The following ANKRD10 variants were observed in gnomAD, a reference collection of about 807,000 sequenced individuals.
ANKRD10 encodes ankyrin repeat domain 10.
Under a neutral mutation model 27.0 loss-of-function variants are expected in ANKRD10, and 14 were observed. The ratio of observed to expected loss-of-function variants is 0.52; its 90% CI spans 0.34 to 0.81. The LOEUF is 0.81. ANKRD10 is among the 40% of genes least tolerant of loss of function. The pLI is 0.01. For missense variants in ANKRD10, 493 were observed against 544.0 expected, an observed-to-expected ratio of 0.91 and a Z score of 0.93; for synonymous variants, 250 against 224.5, an observed-to-expected ratio of 1.11 and a Z score of -1.01.
intron 4 of ANKRD10, among the ~76,000 whole-genome samples, chr13:110,887,180 TA>T (rs2064954023): frequency 6.6e-6 from 1 of 152,200 alleles, no homozygotes; most frequent in Non-Finnish European, 1.5e-5. Flanking sequence ...CCAGGGCAAC[TA>T]AACGGTCTGC....
At chr13:110,881,722 T>G (rs1435275934) in intron 5 of ANKRD10, among the ~76,000 whole-genome samples, 1 of 152,214 alleles carries the variant, frequency 6.6e-6, no homozygotes, top group East Asian at 1.9e-4. Context: ...ATGGCAACCT[T>G]GACAGTTGTT....
intron 4 of ANKRD10, among the ~76,000 whole-genome samples, chr13:110,887,976 G>C (rs1474336857): frequency 6.6e-6 from 1 of 152,196 alleles, no homozygotes; most frequent in Non-Finnish European, 1.5e-5. Flanking sequence ...ACTATTCTTT[G>C]TTCTGCTGTA....
At chr13:110,910,578 A>C (rs373572644) in intron 2 of ANKRD10, 40 bp downstream of exon 2, 41 of 1,608,356 alleles carry the variant, frequency 2.5e-5, no homozygotes, top group Middle Eastern at 3.3e-4. Flanking sequence ...TGCAAAAAGA[A>C]AAAGCAAAAG....
intron 3 of ANKRD10, among the ~76,000 whole-genome samples, chr13:110,896,725 T>C (rs2065235558): frequency 6.6e-6 from 1 of 152,262 alleles, no homozygotes; most frequent in Non-Finnish European, 1.5e-5. Flanking sequence ...CTCAAGGCAA[T>C]TGAGCATGGC....
intron 3 of ANKRD10, among the ~76,000 whole-genome samples, chr13:110,901,878 T>A (rs7323481): frequency 0.99 from 150,267 of 152,172 alleles, 74,231 homozygotes; most frequent in East Asian, 1. Context: ...CCATCTCTAC[T>A]AAACATTTTT....
intron 4 of ANKRD10, among the ~76,000 whole-genome samples, chr13:110,887,774 A>C (rs2064971049): frequency 1.3e-5 from 2 of 152,166 alleles, no homozygotes; most frequent in African/African-American, 4.8e-5. Context: ...TGCTGTGTGG[A>C]AGGGTCCCAG....
At chr13:110,893,329 AACTG>A (rs1353864028) in intron 3 of ANKRD10, 66 bp from the exon 4 acceptor site, 9 of 1,481,654 alleles carry the variant, frequency 6.1e-6, no homozygotes, top group South Asian at 1.2e-5. Flanking sequence ...GCTCCTGCTG[AACTG>A]ACTAGCTATC....
chr13:110,891,378 A>G (rs2065068337), intron 4 of ANKRD10, among the ~76,000 whole-genome samples: 1 of 152,266 alleles, frequency 6.6e-6, no homozygotes, highest in South Asian at 2.1e-4. Context: ...CCATTAAAAA[A>G]GACCATTTTG....
intron 3 of ANKRD10, among the ~76,000 whole-genome samples, chr13:110,895,991 A>G (rs1469126293): frequency 6.6e-6 from 1 of 152,206 alleles, no homozygotes; most frequent in African/African-American, 2.4e-5. Context: ...TTACTAGAAG[A>G]GCTCAAAAGA....
At chr13:110,905,953 T>C in intron 3 of ANKRD10, 80 bp downstream of exon 3, 2 of 1,314,418 alleles carry the variant, frequency 1.5e-6, no homozygotes, top group Non-Finnish European at 2.1e-6. Flanking sequence ...TTTAGGACTT[T>C]TGCCTGCTTA....
chr13:110,878,860 T>C lies in ANKRD10; in HGVS notation c.*777A>G, dbSNP rs970051691. On this transcript the variant is annotated 3_prime_UTR_variant, in exon 6 of 6. Transcript: ENST00000267339. The stretch of plus-strand genomic sequence containing the variant: ...AAACAAAAACAAGGAAAAAAGAAAA[T>C]ACATGTCAACAGTCAGTTAAATATT... 2.0e-5 allele frequency: 3 copies of C among 152,274 alleles called. No homozygotes were observed. The East Asian group carries it at 5.8e-4, about 29-fold the overall frequency. The allele number at this position is 152,274 out of a possible 1,614,324, so 9.4% of individuals were successfully genotyped here.
At chr13:110,906,753 G>T (rs1048453411) in intron 2 of ANKRD10, among the ~76,000 whole-genome samples, 1 of 152,048 alleles carries the variant, frequency 6.6e-6, no homozygotes, top group South Asian at 2.1e-4. Flanking sequence ...AGGAAAGGGA[G>T]AAGAACACAA....
At chr13:110,889,095 G>A (rs1311690700) in intron 4 of ANKRD10, among the ~76,000 whole-genome samples, 1 of 134,202 alleles carries the variant, frequency 7.5e-6, no homozygotes, top group Non-Finnish European at 1.7e-5. Context: ...TTCTAACCAA[G>A]ATCATTGAAA....
chr13:110,896,046 AG>A (rs1220552894), intron 3 of ANKRD10, among the ~76,000 whole-genome samples: 6 of 152,238 alleles, frequency 3.9e-5, no homozygotes, highest in Non-Finnish European at 8.8e-5. Flanking sequence ...GTAAGGACCA[AG>A]GAAGCAAGAA....
At chr13:110,883,900 T>G in intron 4 of ANKRD10, 107 bp from the exon 5 acceptor site, 2 of 1,042,530 alleles carry the variant, frequency 1.9e-6, no homozygotes, top group Non-Finnish European at 2.6e-6. Flanking sequence ...CTTTAAACAA[T>G]CACATAAAAA....
chr13:110,901,230 TCTTA>T (rs1263692657), intron 3 of ANKRD10, among the ~76,000 whole-genome samples: 1 of 152,234 alleles, frequency 6.6e-6, no homozygotes, highest in African/African-American at 2.4e-5. Context: ...GTATCCAAAC[TCTTA>T]TTTAATTATG....
rs369392798 is a variant in ANKRD10, at chr13:110,882,373, A to G, written c.787+1325T>C. Among the ~76,000 whole-genome samples the G allele has an allele frequency of 1.3e-3, 202 of 152,334 alleles. 2 individuals are homozygous for G. Among genetic ancestry groups the G allele is most frequent in the African/African-American group, 3.8e-3 (160 of 41,568 alleles). ...ACGTGGAGTGCCATGTCCCACAAGG[A>G]AAGCCTCGAGTAATCTCTAGTGATT... On this transcript the variant is annotated intron_variant, in intron 5 of 5. Transcript: ENST00000267339.
chr13:110,913,749 C>G (rs1394202930), intron 1 of ANKRD10, among the ~76,000 whole-genome samples: 2 of 152,168 alleles, frequency 1.3e-5, no homozygotes, highest in Non-Finnish European at 2.9e-5. Flanking sequence ...CCCATCTCAT[C>G]ACTTACGAGA....
intron 4 of ANKRD10, among the ~76,000 whole-genome samples, chr13:110,884,221 A>G (rs71201246): frequency 0.04 from 6,101 of 152,328 alleles, 252 homozygotes; most frequent in South Asian, 0.19. Context: ...ATTAACAAAA[A>G]AAATAATGTA....
Sources: gnomAD v4.1 joint callset for allele counts (sites outside exome capture counted in the v4.1 genomes callset) on GRCh38, gnomAD v4.1.1 for gene constraint, MANE v1.5 for transcripts, NCBI Gene and HGNC (gene_info 2026-07-23, HGNC 2026-07-21) for gene names.